CAMK1D: variants seen among roughly 807,000 people sequenced by gnomAD.
The protein encoded by CAMK1D is calcium/calmodulin dependent protein kinase ID.
CAMK1D carries 9 observed loss-of-function variants against 47.7 expected under a neutral mutation model. The observed-to-expected ratio is 0.19, with a 90% CI of 0.11 to 0.33. The LOEUF (loss-of-function observed/expected upper bound fraction) is 0.33, where lower values mean the gene tolerates loss of function less well. CAMK1D is among the 10% of genes least tolerant of loss of function. The pLI is 1.00. For synonymous variants in CAMK1D, 184 were observed against 184.9 expected (o/e 0.99, Z 0.04); for missense variants, 291 against 488.7 (o/e 0.60, Z 3.81).
rs188929384 is a variant in CAMK1D at position 12,551,006 on chromosome 10, G to C, written c.93-2219G>C. Among the ~76,000 whole-genome samples the C allele has an allele frequency of 2.0e-4, 31 of 152,330 alleles. No homozygotes were observed. In the South Asian group the frequency reaches 2.3e-3, roughly 11 times the overall value. ...GCTGTCAGGTGGGCAAGGAGAGGAGGAGGAAGGGTGTTCCCCCTGTTCAGG... is the reference window on the plus strand; with the variant it reads ...GCTGTCAGGTGGGCAAGGAGAGGAGCAGGAAGGGTGTTCCCCCTGTTCAGG... On this transcript the variant is annotated intron_variant, in intron 1 of 10. Transcript: ENST00000619168.
chr10:12,702,079 A>G (rs1833541469), intron 3 of CAMK1D, among the ~76,000 whole-genome samples: 1 of 152,194 alleles, frequency 6.6e-6, no homozygotes, highest in Non-Finnish European at 1.5e-5. Context: ...TTGGACGCAC[A>G]GGGCAGGGAG....
At chr10:12,675,937 T>C (rs891336453) in intron 3 of CAMK1D, among the ~76,000 whole-genome samples, 15 of 152,042 alleles carry the variant, frequency 9.9e-5, no homozygotes, top group Middle Eastern at 3.4e-3. Flanking sequence ...TATCTTTTTT[T>C]ATGTTTTGTT....
At chr10:12,449,872 G>A (rs1204564077) in intron 1 of CAMK1D, among the ~76,000 whole-genome samples, 1 of 152,128 alleles carries the variant, frequency 6.6e-6, no homozygotes, top group Non-Finnish European at 1.5e-5. Context: ...GGTGGCAGGC[G>A]CCTGTAATCC....
intron 2 of CAMK1D, among the ~76,000 whole-genome samples, chr10:12,629,144 C>A (rs1588708911): frequency 6.6e-6 from 1 of 152,132 alleles, no homozygotes; most frequent in East Asian, 1.9e-4. Context: ...GAGGCGGGAG[C>A]TTTTGTTCAG....
At chr10:12,522,050 G>C (rs895306874) in intron 1 of CAMK1D, among the ~76,000 whole-genome samples, 1 of 151,664 alleles carries the variant, frequency 6.6e-6, no homozygotes, top group Admixed American at 6.6e-5. Context: ...TGATGTATTT[G>C]AGCCATTTAC....
At chr10:12,477,680 G>A (rs1833941552) in intron 1 of CAMK1D, among the ~76,000 whole-genome samples, 1 of 152,192 alleles carries the variant, frequency 6.6e-6, no homozygotes, top group Non-Finnish European at 1.5e-5. Context: ...TGGAGGGAGG[G>A]GCAGGGTGTT....
intron 1 of CAMK1D, among the ~76,000 whole-genome samples, chr10:12,380,698 C>T (rs61235100): frequency 0.04 from 6,074 of 152,068 alleles, 223 homozygotes; most frequent in African/African-American, 0.092. Context: ...CTACTAAAAA[C>T]ACAAAAAATT....
chr10:12,623,435 CCCTT>C lies in CAMK1D; in HGVS notation c.225-43299_225-43296del, dbSNP rs1352961603. ...TCCTTTCTTTCCTTCCTCCCTCCCT[CCCTT>C]CTTTCCTTCCTTCCTCCCTCCCTCT... On this transcript the variant is annotated intron_variant, in intron 2 of 10. Coordinates refer to ENST00000619168, the MANE Select transcript of CAMK1D (RefSeq NM_153498.4). Among the ~76,000 whole-genome samples the C allele has an allele frequency of 1.5e-3, 8 of 5,302 alleles. 2 individuals carry two copies. The highest frequency in any genetic ancestry group is 2.3e-3 in the Non-Finnish European group (6 of 2,554). 3.5% of individuals were successfully genotyped at this position (5,302 alleles called of 152,430 possible).
intron 1 of CAMK1D, among the ~76,000 whole-genome samples, chr10:12,510,408 T>G (rs1363896236): frequency 7.2e-6 from 1 of 138,182 alleles, no homozygotes; most frequent in Non-Finnish European, 1.6e-5. Context: ...AGAGCAAGAC[T>G]CCGTCTAAAA....
chr10:12,565,170 C>CA (rs1203873101), intron 2 of CAMK1D, among the ~76,000 whole-genome samples: 14 of 152,192 alleles, frequency 9.2e-5, no homozygotes, highest in Non-Finnish European at 1.9e-4. Context: ...ATGACTGTGC[C>CA]ACTGCACTTC....
intron 2 of CAMK1D, among the ~76,000 whole-genome samples, chr10:12,615,428 G>A (rs1838752813): frequency 6.6e-6 from 1 of 152,106 alleles, no homozygotes; most frequent in South Asian, 2.1e-4. Context: ...TAGGGAGTCT[G>A]AGTGTGTGAG....
At chr10:12,570,352 A>T (rs1564418897) in intron 2 of CAMK1D, among the ~76,000 whole-genome samples, 1 of 151,402 alleles carries the variant, frequency 6.6e-6, no homozygotes, top group Admixed American at 6.6e-5. Flanking sequence ...GATGCCGTTA[A>T]TTTTTTTTTC....
At position 12,652,514 on chromosome 10, in the gene CAMK1D, C is replaced by T. The variant is rs7907593; in HGVS notation, c.225-14222C>T. Among the ~76,000 whole-genome samples the T allele has an allele frequency of 4.9e-3, 739 of 151,426 alleles. 9 individuals carry two copies. Among genetic ancestry groups the T allele is most frequent in the African/African-American group, 0.017 (704 of 41,284 alleles). ...GAGGCAGGGGAATGGTGTGACCCCACGAGGCGGAGCTTGCAGTGAGCAGAG... is the reference window on the plus strand; with the variant it reads ...GAGGCAGGGGAATGGTGTGACCCCATGAGGCGGAGCTTGCAGTGAGCAGAG... On this transcript the variant is annotated intron_variant, in intron 2 of 10. Transcript: ENST00000619168.
rs370824638 is a variant in CAMK1D at position 12,725,740 on chromosome 10, C to T, written c.300-35208C>T. 1.2e-4 allele frequency among the ~76,000 whole-genome samples: 18 copies of T among 152,292 alleles called. 1 individual carries two copies. Among genetic ancestry groups the T allele is most frequent in the Admixed American group, 6.5e-4 (10 of 15,282 alleles). On this transcript the variant is annotated intron_variant, in intron 3 of 10. Transcript: ENST00000619168. ...GGTCATGTTCGTCTAGCCAGCTACA[C>T]ACTACTGAATAATATGGTTTTCTTT...
intron 3 of CAMK1D, among the ~76,000 whole-genome samples, chr10:12,733,731 G>A (rs1835002390): frequency 6.6e-6 from 1 of 152,180 alleles, no homozygotes; most frequent in Non-Finnish European, 1.5e-5. Flanking sequence ...GACAGGGCGT[G>A]TTAGCATTTC....
At chr10:12,440,667 G>A (rs1284214487) in intron 1 of CAMK1D, among the ~76,000 whole-genome samples, 1 of 152,162 alleles carries the variant, frequency 6.6e-6, no homozygotes, top group Non-Finnish European at 1.5e-5. Context: ...AGTTTATTGT[G>A]GATAAATTAT....
chr10:12,558,488 A>T (rs920247817), intron 2 of CAMK1D, among the ~76,000 whole-genome samples: 9 of 152,098 alleles, frequency 5.9e-5, no homozygotes, highest in African/African-American at 2.2e-4. Flanking sequence ...CAGGAGGTGG[A>T]GGTTACAGTG....
chr10:12,520,361 T>C lies in CAMK1D; in HGVS notation c.93-32864T>C, dbSNP rs1375703556. Reference sequence around the variant, plus strand: ...TCAGGCAGAGATGCTCCTCACTTCCTAGTTGGGATGGCGGCCGGGCAGAGA... The same window carrying C: ...TCAGGCAGAGATGCTCCTCACTTCCCAGTTGGGATGGCGGCCGGGCAGAGA... On this transcript the variant is annotated intron_variant, in intron 1 of 10. Transcript: ENST00000619168. Among the ~76,000 whole-genome samples the C allele has an allele frequency of 5.4e-5, 5 of 92,996 alleles. 2 individuals carry two copies. The highest frequency in any genetic ancestry group is 1.2e-4 in the Non-Finnish European group (5 of 43,092). The allele number at this position is 92,996 out of a possible 152,430, so 61.0% of individuals were successfully genotyped here.
At chr10:12,354,435 T>G (rs1200796018) in intron 1 of CAMK1D, among the ~76,000 whole-genome samples, 1 of 151,784 alleles carries the variant, frequency 6.6e-6, no homozygotes, top group Non-Finnish European at 1.5e-5. Flanking sequence ...TCTTTTCTTT[T>G]TTTTTTTTTG....
Sources: allele counts gnomAD v4.1 joint callset (sites outside exome capture counted in the v4.1 genomes callset), GRCh38; gene constraint gnomAD v4.1.1; transcripts MANE v1.5; gene names NCBI Gene and HGNC (gene_info 2026-07-23, HGNC 2026-07-21).